The following MECOM variants were observed in gnomAD, a reference collection of about 807,000 sequenced individuals.
MECOM encodes the protein histone-lysine N-methyltransferase MECOM.
In MECOM, 13 loss-of-function variants were observed where a neutral mutation model predicts 116.3. That is an observed-to-expected ratio of 0.11 (90% CI 0.07 to 0.18). The LOEUF is 0.18. Among genes scored for constraint, MECOM ranks in the 10% least tolerant of loss-of-function variants. The probability of loss-of-function intolerance (pLI) is 1.00; values close to 1 mark genes in which losing one functional copy is unlikely to be tolerated. For synonymous variants in MECOM, 528 were observed against 535.2 expected (o/e 0.99, Z 0.19); for missense variants, 1,299 against 1,509.0 (o/e 0.86, Z 2.31).
chr3:169,470,274 A>G (rs1053025789), intron 1 of MECOM: 7 of 152,228 alleles, frequency 4.6e-5, no homozygotes, highest in Non-Finnish European at 8.8e-5. Context: ...GGGAAAAAAT[A>G]ATAAAAGGTC....
At chr3:169,466,018 A>G (rs1748247185) in intron 1 of MECOM, among the ~76,000 whole-genome samples, 1 of 152,194 alleles carries the variant, frequency 6.6e-6, no homozygotes, top group Admixed American at 6.5e-5. Context: ...TCACATCTTT[A>G]AAACTTGTAT....
chr3:169,316,683 T>C (rs1473940985), intron 2 of MECOM, among the ~76,000 whole-genome samples: 1 of 152,118 alleles, frequency 6.6e-6, no homozygotes, highest in African/African-American at 2.4e-5. Context: ...TCCCAAGTAG[T>C]TGGGAATTAT....
chr3:169,375,818 A>G (rs995979120), intron 2 of MECOM, among the ~76,000 whole-genome samples: 4 of 152,134 alleles, frequency 2.6e-5, no homozygotes, highest in Admixed American at 2.6e-4. Flanking sequence ...ACTCCTCCCT[A>G]ACTCATTTTA....
At chr3:169,623,810 T>TACACACAC (rs113348633) in intron 1 of MECOM, 1 of 147,766 alleles carries the variant, frequency 6.8e-6, no homozygotes, top group African/African-American at 2.5e-5. Context: ...CACACACACA[T>TACACACAC]ACACACACAC....
intron 2 of MECOM, among the ~76,000 whole-genome samples, chr3:169,315,115 C>A (rs1326327567): frequency 6.6e-6 from 1 of 152,114 alleles, no homozygotes; most frequent in African/African-American, 2.4e-5. Flanking sequence ...CCAGTGCCAC[C>A]CACGCTGCTT....
chr3:169,379,692 C>T (rs1388050110), intron 2 of MECOM, among the ~76,000 whole-genome samples: 1 of 152,048 alleles, frequency 6.6e-6, no homozygotes, highest in Non-Finnish European at 1.5e-5. Flanking sequence ...GTGGTTTATT[C>T]CAAGCCTTCT....
chr3:169,531,617 G>A (rs528572639), intron 1 of MECOM, among the ~76,000 whole-genome samples: 3 of 152,206 alleles, frequency 2.0e-5, no homozygotes, highest in Admixed American at 6.5e-5. Context: ...TGGTACAAGT[G>A]CGCTCCAATA....
chr3:169,168,756 C>A (rs943733029), intron 2 of MECOM, among the ~76,000 whole-genome samples: 5 of 151,258 alleles, frequency 3.3e-5, no homozygotes, highest in African/African-American at 1.2e-4. Context: ...TGGAACCAGA[C>A]AATTGGCAAA....
intron 1 of MECOM, among the ~76,000 whole-genome samples, chr3:169,425,100 C>CG (rs34869416): frequency 9.8e-4 from 34 of 34,580 alleles, no homozygotes; most frequent in African/African-American, 3.3e-3. Flanking sequence ...TTTGCAGAAA[C>CG]CCCCCCCCAC....
At chr3:169,527,455 C>A (rs915861688) in intron 1 of MECOM, among the ~76,000 whole-genome samples, 10 of 152,142 alleles carry the variant, frequency 6.6e-5, no homozygotes, top group Non-Finnish European at 1.3e-4. Flanking sequence ...TCACTATGGA[C>A]TACTTAAGCC....
At chr3:169,548,971 CTTTT>C (rs756925389) in intron 1 of MECOM, among the ~76,000 whole-genome samples, 2 of 119,094 alleles carry the variant, frequency 1.7e-5, no homozygotes, top group South Asian at 5.4e-4. Flanking sequence ...ATTTGTCTCT[CTTTT>C]TTTTTTTTTT....
intron 2 of MECOM, among the ~76,000 whole-genome samples, chr3:169,220,889 C>T (rs1348362234): frequency 1.3e-5 from 2 of 152,006 alleles, no homozygotes; most frequent in African/African-American, 4.8e-5. Flanking sequence ...TCCTGAGGCT[C>T]GAACAATATC....
At chr3:169,234,990 C>T (rs1753857612) in intron 2 of MECOM, among the ~76,000 whole-genome samples, 1 of 152,146 alleles carries the variant, frequency 6.6e-6, no homozygotes, top group Admixed American at 6.5e-5. Flanking sequence ...TCAGGGCTTG[C>T]CCTTAGCTTT....
At chr3:169,373,348 AT>A (rs1258527193) in intron 2 of MECOM, among the ~76,000 whole-genome samples, 1 of 151,984 alleles carries the variant, frequency 6.6e-6, no homozygotes, top group Non-Finnish European at 1.5e-5. Context: ...AAAGTATCTT[AT>A]TTCTCTAACA....
intron 1 of MECOM, among the ~76,000 whole-genome samples, chr3:169,590,278 G>T (rs527871983): frequency 3.8e-4 from 58 of 152,316 alleles, no homozygotes; most frequent in African/African-American, 1.4e-3. Flanking sequence ...TAGGCATGAG[G>T]TAAATACCAA....
chr3:169,414,177 C>T (rs1021927566), intron 1 of MECOM, among the ~76,000 whole-genome samples: 1 of 152,224 alleles, frequency 6.6e-6, no homozygotes, highest in African/African-American at 2.4e-5. Context: ...TGGTATGAAG[C>T]TTCCAGAGGA....
At chr3:169,228,747 G>A (rs980597948) in intron 2 of MECOM, among the ~76,000 whole-genome samples, 2 of 152,078 alleles carry the variant, frequency 1.3e-5, no homozygotes, top group Admixed American at 6.5e-5. Flanking sequence ...AAAGTGTTTC[G>A]GCTTTCTTCA....
chr3:169,414,481 C>A (rs1367953386), intron 1 of MECOM, among the ~76,000 whole-genome samples: 1 of 152,110 alleles, frequency 6.6e-6, no homozygotes, highest in African/African-American at 2.4e-5. Flanking sequence ...CATTCTCCTC[C>A]AAATGATGGC....
At chr3:169,645,604 T>C (rs1774075950) in intron 1 of MECOM, among the ~76,000 whole-genome samples, 1 of 152,202 alleles carries the variant, frequency 6.6e-6, no homozygotes, top group African/African-American at 2.4e-5. Context: ...TTGATGAAGT[T>C]TCCCCACCAA....
Sources: gnomAD v4.1 joint callset for allele counts (sites outside exome capture counted in the v4.1 genomes callset) on GRCh38, gnomAD v4.1.1 for gene constraint, MANE v1.5 for transcripts, NCBI Gene and HGNC (gene_info 2026-07-23, HGNC 2026-07-21) for gene names.